Variants in ADAM28 observed in about 807,000 individuals in gnomAD.
ADAM28 encodes the protein ADAM metallopeptidase domain 28.
Under a neutral mutation model 101.2 loss-of-function variants are expected in ADAM28, and 105 were observed. The ratio of observed to expected loss-of-function variants is 1.04; its 90% CI spans 0.89 to 1.22. ADAM28 has a LOEUF of 1.22. Among genes scored for constraint, ADAM28 ranks in the 50% most tolerant of loss-of-function variants. The pLI is 0.00. For missense variants in ADAM28, 1,028 were observed against 945.4 expected, an observed-to-expected ratio of 1.09 and a Z score of -1.15; for synonymous variants, 322 against 310.6, an observed-to-expected ratio of 1.04 and a Z score of -0.39.
Position 24,351,213 on chromosome 8 carries a change from A to ATGTGT in ADAM28, c.2100-17_2100-13dup, listed in dbSNP as rs1427931256. 10 of 1,536,394 alleles carry ATGTGT rather than the reference A, an allele frequency of 6.5e-6. No individual in the cohort carries two copies. Among genetic ancestry groups the ATGTGT allele is most frequent in the Non-Finnish European group, 8.8e-6 (10 of 1,142,504 alleles). On this transcript the variant is annotated intron_variant, in intron 19 of 22. Coordinates refer to ENST00000265769, the MANE Select transcript of ADAM28 (RefSeq NM_014265.6). ...AGGAGCTGCTAAGTCAATTGATATC[A>ATGTGT]TGTGTTTCTCTCTTACAGGCCACTA...
chr8:24,354,723 A>C lies in ADAM28; in HGVS notation c.*319A>C, dbSNP rs1250517637. ...TCTAATGAAAACAAAACATAAAAAC[A>C]TCACACTAATCTTGGAGGAATAAGA... On this transcript the variant is annotated 3_prime_UTR_variant, in exon 23 of 23. Coordinates refer to ENST00000265769, the MANE Select transcript of ADAM28 (RefSeq NM_014265.6). 1 of 208,212 alleles carries C rather than the reference A, an allele frequency of 4.8e-6. No homozygotes were observed. The highest frequency in any genetic ancestry group is 9.5e-6 in the Non-Finnish European group (1 of 105,068). The allele number at this position is 208,212 out of a possible 1,614,324, so 12.9% of individuals were successfully genotyped here.
At chr8:24,306,497 T>C (rs1585531804) in intron 2 of ADAM28, among the ~76,000 whole-genome samples, 1 of 150,964 alleles carries the variant, frequency 6.6e-6, no homozygotes, top group African/African-American at 2.4e-5. Context: ...TCTCTTTTCC[T>C]TAGTCGCTGA....
At chr8:24,327,556 C>CA (rs1207692201) in intron 10 of ADAM28, among the ~76,000 whole-genome samples, 3 of 151,854 alleles carry the variant, frequency 2.0e-5, no homozygotes, top group Non-Finnish European at 4.4e-5. Flanking sequence ...CATATGGAAC[C>CA]AAAAAAGAGC....
chr8:24,344,429 A>G (rs1246436498), intron 18 of ADAM28, among the ~76,000 whole-genome samples: 1 of 152,102 alleles, frequency 6.6e-6, no homozygotes. Flanking sequence ...AATTCTTAGG[A>G]TTTTGATCTC....
At chr8:24,314,348 T>A (rs1012079526) in intron 6 of ADAM28, among the ~76,000 whole-genome samples, 1 of 152,180 alleles carries the variant, frequency 6.6e-6, no homozygotes, top group Non-Finnish European at 1.5e-5. Context: ...AGAATCTGGC[T>A]ACAGGAACTT....
intron 12 of ADAM28, among the ~76,000 whole-genome samples, chr8:24,331,636 A>G (rs2278468): frequency 0.19 from 29,192 of 151,908 alleles, 3,052 homozygotes; most frequent in East Asian, 0.35. Flanking sequence ...CGTGACTATG[A>G]CTTACCCAGT....
intron 2 of ADAM28, among the ~76,000 whole-genome samples, chr8:24,309,223 A>T (rs1810103782): frequency 6.6e-6 from 1 of 152,142 alleles, no homozygotes; most frequent in African/African-American, 2.4e-5. Context: ...CTTCTTAAAT[A>T]CCTGGGACTG....
At chr8:24,317,745 A>G (rs951473154) in intron 6 of ADAM28, among the ~76,000 whole-genome samples, 1 of 152,002 alleles carries the variant, frequency 6.6e-6, no homozygotes, top group South Asian at 2.1e-4. Context: ...AAGGAATCTA[A>G]AAAAGGGGGT....
chr8:24,347,342 G>A (rs945333636), intron 18 of ADAM28, among the ~76,000 whole-genome samples: 9 of 152,038 alleles, frequency 5.9e-5, no homozygotes, highest in African/African-American at 1.9e-4. Context: ...ATATTGGACT[G>A]TGATTTTTTC....
chr8:24,334,455 C>A (rs1397179583), intron 13 of ADAM28, among the ~76,000 whole-genome samples: 1 of 152,062 alleles, frequency 6.6e-6, no homozygotes, highest in East Asian at 1.9e-4. Flanking sequence ...TTAAAGGTGT[C>A]AGAGGAGACT....
intron 4 of ADAM28, among the ~76,000 whole-genome samples, chr8:24,311,021 G>C (rs1001156118): frequency 2.0e-5 from 3 of 151,976 alleles, no homozygotes; most frequent in Non-Finnish European, 2.9e-5. Flanking sequence ...AAGTTAATGA[G>C]AAAATGGCCA....
At chr8:24,317,870 G>A (rs189874802) in intron 6 of ADAM28, among the ~76,000 whole-genome samples, 4 of 152,036 alleles carry the variant, frequency 2.6e-5, no homozygotes, top group Non-Finnish European at 2.9e-5. Context: ...CCAAATATGC[G>A]GGGTTAAGCA....
At position 24,321,409 on chromosome 8, in the gene ADAM28, G is replaced by A. The variant is rs181110407; in HGVS notation, c.720+120G>A. The A allele has an allele frequency of 7.5e-5, 62 of 831,610 alleles. No homozygotes were observed. In the African/African-American group the frequency reaches 1.0e-3, roughly 13 times the overall value. 51.5% of individuals were successfully genotyped at this position (831,610 alleles called of 1,614,324 possible). ...CAAGACATTTGAGACCAATGTGGCTGACTGGCTCCCAAAGGATGACCACAA... is the reference window on the plus strand; with the variant it reads ...CAAGACATTTGAGACCAATGTGGCTAACTGGCTCCCAAAGGATGACCACAA... On this transcript the variant is annotated intron_variant, in intron 8 of 22. Transcript: ENST00000265769.
intron 18 of ADAM28, among the ~76,000 whole-genome samples, chr8:24,346,490 T>C (rs550675042): frequency 5.9e-5 from 9 of 152,268 alleles, no homozygotes; most frequent in African/African-American, 2.2e-4. Context: ...CTTATGCCTT[T>C]TATGAATGAA....
At chr8:24,335,766 G>A in intron 14 of ADAM28, 125 bp downstream of exon 14, 1 of 1,308,972 alleles carries the variant, frequency 7.6e-7, no homozygotes, top group Non-Finnish European at 9.8e-7. Context: ...TCAAAATCAT[G>A]GAAAGGTTTT....
intron 6 of ADAM28, among the ~76,000 whole-genome samples, chr8:24,319,954 A>G (rs539783525): frequency 4.9e-4 from 74 of 151,992 alleles, no homozygotes; most frequent in African/African-American, 1.8e-3. Flanking sequence ...TCAAAACAAT[A>G]GAAAGACTGG....
At chr8:24,342,211 C>T (rs1015860495) in intron 16 of ADAM28, among the ~76,000 whole-genome samples, 27 of 152,082 alleles carry the variant, frequency 1.8e-4, no homozygotes, top group African/African-American at 5.6e-4. Flanking sequence ...AATCAATTCA[C>T]GAACTTTGAC....
chr8:24,343,857 T>C (rs985546985), intron 18 of ADAM28, among the ~76,000 whole-genome samples: 1 of 152,226 alleles, frequency 6.6e-6, no homozygotes, highest in Non-Finnish European at 1.5e-5. Context: ...TTTAGGACTC[T>C]TCCATTTTCA....
intron 14 of ADAM28, among the ~76,000 whole-genome samples, chr8:24,336,827 A>G (rs1814152919): frequency 6.6e-6 from 1 of 152,084 alleles, no homozygotes; most frequent in African/African-American, 2.4e-5. Context: ...CTTTCTGGAT[A>G]TGATGTGTAT....
Sources: gnomAD v4.1 joint callset for allele counts (sites outside exome capture counted in the v4.1 genomes callset) on GRCh38, gnomAD v4.1.1 for gene constraint, MANE v1.5 for transcripts, NCBI Gene and HGNC (gene_info 2026-07-23, HGNC 2026-07-21) for gene names.